The following DACT2 variants were observed in gnomAD, a reference collection of about 807,000 sequenced individuals.
DACT2 encodes dapper homolog 2.
Under a neutral mutation model 22.2 loss-of-function variants are expected in DACT2, and 20 were observed. The ratio of observed to expected loss-of-function variants is 0.90; its 90% CI spans 0.63 to 1.31. The LOEUF (loss-of-function observed/expected upper bound fraction) is 1.31. Among genes scored for constraint, DACT2 ranks in the 50% most tolerant of loss-of-function variants. The pLI is 0.00. For missense variants in DACT2, 1,048 were observed against 1,061.4 expected, an observed-to-expected ratio of 0.99 and a Z score of 0.18; for synonymous variants, 463 against 479.8, an observed-to-expected ratio of 0.96 and a Z score of 0.46.
downstream of DACT2, among the ~76,000 whole-genome samples, chr6:168,302,810 C>A (rs1257352128): frequency 6.6e-6 from 1 of 152,186 alleles, no homozygotes; most frequent in African/African-American, 2.4e-5. Context: ...TTTCACCAGA[C>A]AAGCCCCCTT....
intron 3 of DACT2, chr6:168,298,077 A>C (rs1211789527): frequency 6.6e-6 from 1 of 152,240 alleles, no homozygotes; most frequent in Non-Finnish European, 1.5e-5. Context: ...CATTGGAAAA[A>C]TGATGACATT....
chr6:168,294,752 T>G (rs1280666514), intron 3 of DACT2: 3 of 980,802 alleles, frequency 3.1e-6, no homozygotes, highest in Non-Finnish European at 4.1e-6. Flanking sequence ...AGAACACACC[T>G]GCAGCTTCAA....
intron 2 of DACT2, 29 bp downstream of exon 2, chr6:168,311,123 G>A (rs1231378183): frequency 2.0e-6 from 3 of 1,502,790 alleles, no homozygotes; most frequent in South Asian, 1.2e-5. Context: ...GCCTGCCCCT[G>A]TGTCCGGGAG....
intron 1 of DACT2, among the ~76,000 whole-genome samples, chr6:168,315,511 A>G (rs62424999): frequency 0.15 from 22,142 of 152,202 alleles, 2,086 homozygotes; most frequent in East Asian, 0.21. Flanking sequence ...AACCCAGAAC[A>G]GGGAGATCCC....
At chr6:168,306,152 C>T (rs761525140), downstream of DACT2, among the ~76,000 whole-genome samples, 2 of 152,214 alleles carry the variant, frequency 1.3e-5, no homozygotes, top group African/African-American at 2.4e-5. Context: ...TCCTGTCCTC[C>T]TCTGGTTTTC....
chr6:168,304,746 G>GGATAT (rs1183972197), downstream of DACT2, among the ~76,000 whole-genome samples: 8 of 152,204 alleles, frequency 5.3e-5, no homozygotes, highest in African/African-American at 1.9e-4. Context: ...ATTTGATGAA[G>GGATAT]GAGGAAGCCG....
downstream of DACT2, among the ~76,000 whole-genome samples, chr6:168,301,925 G>A (rs994214134): frequency 2.0e-5 from 3 of 152,194 alleles, no homozygotes; most frequent in Admixed American, 6.5e-5. Flanking sequence ...CTTCATTCCC[G>A]GCTCCGGGCC....
intron 4 of DACT2, chr6:168,294,563 G>GTA (rs1778973064): frequency 3.1e-6 from 1 of 327,692 alleles, no homozygotes; most frequent in South Asian, 8.2e-5. Context: ...GTGTGTGTAT[G>GTA]TGTGTGTGTG....
chr6:168,309,760 T>C (rs1268000113), intron 3 of DACT2, among the ~76,000 whole-genome samples: 1 of 152,226 alleles, frequency 6.6e-6, no homozygotes, highest in Non-Finnish European at 1.5e-5. Context: ...AAATGACATC[T>C]GTGCCTTTGG....
At chr6:168,293,542 G>T (rs1217604986) in exon 6 of DACT2, 5 of 231,962 alleles carry the variant, frequency 2.2e-5, no homozygotes, top group Non-Finnish European at 4.2e-5. Flanking sequence ...TGCTTCCTGG[G>T]TGCTGCTGAA....
At chr6:168,304,384 G>T (rs1394882718), downstream of DACT2, among the ~76,000 whole-genome samples, 1 of 152,234 alleles carries the variant, frequency 6.6e-6, no homozygotes, top group Admixed American at 6.5e-5. Context: ...CCTGTTCTCT[G>T]AATTCACAGT....
At chr6:168,309,324 G>A (rs1048771526) in intron 3 of DACT2, among the ~76,000 whole-genome samples, 1 of 151,772 alleles carries the variant, frequency 6.6e-6, no homozygotes, top group Admixed American at 6.6e-5. Flanking sequence ...CGGGGCAGAC[G>A]GGAATGCGTT....
Position 168,319,621 on chromosome 6 carries a change from C to T in DACT2, c.13G>A (p.Gly5Ser). The T allele has an allele frequency of 7.7e-7, 1 of 1,300,180 alleles. No homozygotes were observed. Among genetic ancestry groups the T allele is most frequent in the Non-Finnish European group, 9.8e-7 (1 of 1,022,836 alleles). 80.5% of individuals were successfully genotyped at this position (1,300,180 alleles called of 1,614,324 possible). Residue 5 changes from glycine (G) to serine (S), a missense_variant, in exon 1 of 4, where the codon GGC becomes AGC. Gly to Ser is a moderately conservative substitution (Grantham distance 56). Transcript: ENST00000366795. MWTP[G>S]GPPGSAGWDR... The stretch of plus-strand genomic sequence containing the variant: ...CAGCCCGCGGACCCCGGGGGTCCGC[C>T]CGGCGTCCACATCTCCCGGGCAGGG...
chr6:168,302,738 C>G (rs1481629549), downstream of DACT2, among the ~76,000 whole-genome samples: 1 of 152,192 alleles, frequency 6.6e-6, no homozygotes, highest in Non-Finnish European at 1.5e-5. Context: ...CACAGGCAGC[C>G]ACCCAGTGAG....
chr6:168,310,895 G>A (rs955129936), intron 2 of DACT2, among the ~76,000 whole-genome samples: 2 of 152,122 alleles, frequency 1.3e-5, no homozygotes, highest in Non-Finnish European at 2.9e-5. Flanking sequence ...GTGCAATAAC[G>A]TCACTTAGAC....
At chr6:168,310,945 G>A (rs1024542995) in intron 2 of DACT2, among the ~76,000 whole-genome samples, 9 of 152,178 alleles carry the variant, frequency 5.9e-5, no homozygotes, top group African/African-American at 1.2e-4. Flanking sequence ...TAAGAGCGAG[G>A]TAGCCAATTA....
downstream of DACT2, among the ~76,000 whole-genome samples, chr6:168,304,812 C>T (rs1466306406): frequency 1.3e-5 from 2 of 152,228 alleles, no homozygotes; most frequent in Non-Finnish European, 2.9e-5. Context: ...CAGAGCTGTC[C>T]TCCTGTCCTG....
chr6:168,309,950 CTG>C (rs112912589), intron 3 of DACT2, among the ~76,000 whole-genome samples: 32,624 of 152,186 alleles, frequency 0.21, 3,543 homozygotes, highest in South Asian at 0.26. Context: ...GGGAAAAGTG[CTG>C]TGTGTTATTA....
intron 1 of DACT2, among the ~76,000 whole-genome samples, chr6:168,318,946 T>TAACCC (rs1202634406): frequency 6.8e-6 from 1 of 147,424 alleles, no homozygotes; most frequent in Non-Finnish European, 1.5e-5. Flanking sequence ...CTGTTGCCCC[T>TAACCC]AACCCAAGAC....
Sources: allele counts gnomAD v4.1 joint callset (sites outside exome capture counted in the v4.1 genomes callset), GRCh38; gene constraint gnomAD v4.1.1; transcripts MANE v1.5; gene names NCBI Gene and HGNC (gene_info 2026-07-23, HGNC 2026-07-21).